PDE10A: variants seen among roughly 807,000 people sequenced by gnomAD.
PDE10A encodes phosphodiesterase 10A, also known as cAMP and cAMP-inhibited cGMP 3',5'-cyclic phosphodiesterase 10A.
PDE10A carries 39 observed loss-of-function variants against 97.7 expected under a neutral mutation model. That is an observed-to-expected ratio of 0.40 (90% CI 0.31 to 0.52). PDE10A has a LOEUF of 0.52. Among genes scored for constraint, PDE10A ranks in the 20% least tolerant of loss-of-function variants. The pLI is 0.56. For missense variants in PDE10A, 731 were observed against 1,047.8 expected (o/e 0.70, Z 4.17); for synonymous variants, 371 against 376.8 (o/e 0.98, Z 0.18).
intron 5 of PDE10A, among the ~76,000 whole-genome samples, chr6:165,442,486 G>A (rs1244185159): frequency 6.6e-6 from 1 of 152,148 alleles, no homozygotes; most frequent in Non-Finnish European, 1.5e-5. Flanking sequence ...AGGGAAACGG[G>A]AAGCAAGGAA....
In PDE10A at chr6:165,661,879, G is replaced by GC. The variant is rs942791917; in HGVS notation, c.865+67dup. The GC allele has an allele frequency of 9.6e-6, 7 of 725,730 alleles. No individual in the cohort carries two copies. Among genetic ancestry groups the GC allele is most frequent in the East Asian group, 9.3e-5 (3 of 32,128 alleles). 45.0% of individuals were successfully genotyped at this position (725,730 alleles called of 1,614,324 possible). On this transcript the variant is annotated intron_variant, in intron 1 of 21. Coordinates refer to ENST00000539869, the MANE Select transcript of PDE10A (RefSeq NM_001385079.1). The surrounding 1 kb of genome is among the most constrained non-coding windows in gnomAD (Gnocchi z 4.8). ...ACCCGCTTCCCACCCAGCAGTCCAA[G>GC]CCCCCCACCTGCCCCCAGGGGATGA...
chr6:165,474,663 A>G (rs964610254), intron 3 of PDE10A, among the ~76,000 whole-genome samples: 5 of 152,136 alleles, frequency 3.3e-5, no homozygotes, highest in African/African-American at 9.7e-5. Flanking sequence ...TCCTAAAATA[A>G]AAGTCAGAAA....
At chr6:165,877,163 G>T (rs1296182434) in intron 1 of PDE10A, among the ~76,000 whole-genome samples, 1 of 152,062 alleles carries the variant, frequency 6.6e-6, no homozygotes, top group African/African-American at 2.4e-5. Flanking sequence ...ACACGTGTGG[G>T]TCTCAAAACT....
intron 1 of PDE10A, among the ~76,000 whole-genome samples, chr6:165,887,335 G>A (rs1386982404): frequency 6.6e-6 from 1 of 152,132 alleles, no homozygotes; most frequent in Non-Finnish European, 1.5e-5. Context: ...AGATTCTTGG[G>A]TTCTCCTTCA....
intron 1 of PDE10A, among the ~76,000 whole-genome samples, chr6:165,803,445 C>T (rs1412829697): frequency 6.6e-6 from 1 of 152,202 alleles, no homozygotes; most frequent in Non-Finnish European, 1.5e-5. Context: ...AATGCATCCA[C>T]AACTAAATAC....
chr6:165,732,382 G>A (rs1453357229), intron 1 of PDE10A, among the ~76,000 whole-genome samples: 2 of 152,200 alleles, frequency 1.3e-5, no homozygotes, highest in African/African-American at 4.8e-5. Context: ...GCAGGTGGCC[G>A]AGCCACACAG....
At chr6:165,342,242 C>T (rs1011966420) in intron 19 of PDE10A, among the ~76,000 whole-genome samples, 1 of 152,166 alleles carries the variant, frequency 6.6e-6, no homozygotes, top group Non-Finnish European at 1.5e-5. Context: ...CCAAAAAAAT[C>T]TTTCAATATA....
At chr6:165,497,799 A>G (rs1361464295) in intron 2 of PDE10A, among the ~76,000 whole-genome samples, 2 of 152,208 alleles carry the variant, frequency 1.3e-5, no homozygotes, top group African/African-American at 4.8e-5. Flanking sequence ...ATCTGAATTT[A>G]TCTACTGATG....
At chr6:165,829,091 T>C (rs778856956) in intron 1 of PDE10A, among the ~76,000 whole-genome samples, 3 of 152,186 alleles carry the variant, frequency 2.0e-5, no homozygotes, top group Non-Finnish European at 2.9e-5. Context: ...AATGAGAAGA[T>C]GGAGGGTAAG....
intron 1 of PDE10A, among the ~76,000 whole-genome samples, chr6:165,873,527 G>A (rs144876149): frequency 4.6e-5 from 7 of 152,080 alleles, no homozygotes; most frequent in East Asian, 1.9e-4. Flanking sequence ...AACTTTCTCC[G>A]CAAGAGAGCA....
At chr6:165,441,036 A>G (rs1562469925) in intron 5 of PDE10A, among the ~76,000 whole-genome samples, 1 of 152,214 alleles carries the variant, frequency 6.6e-6, no homozygotes, top group Non-Finnish European at 1.5e-5. Flanking sequence ...ACATCTCAAG[A>G]GCACTTTGTC....
intron 1 of PDE10A, among the ~76,000 whole-genome samples, chr6:165,807,064 G>A (rs140719289): frequency 1.7e-4 from 26 of 152,278 alleles, no homozygotes; most frequent in East Asian, 9.6e-4. Flanking sequence ...TTGGACCAGC[G>A]TATGATTTTG....
chr6:165,570,241 A>C (rs1350041333), intron 1 of PDE10A, among the ~76,000 whole-genome samples: 1 of 152,208 alleles, frequency 6.6e-6, no homozygotes, highest in African/African-American at 2.4e-5. Flanking sequence ...GGCAGAATGA[A>C]TCTTTTAATA....
intron 1 of PDE10A, among the ~76,000 whole-genome samples, chr6:165,942,316 A>G (rs1210696977): frequency 6.6e-6 from 1 of 151,968 alleles, no homozygotes; most frequent in African/African-American, 2.4e-5. Flanking sequence ...ACACACATAT[A>G]TGCGCACACA....
chr6:165,547,366 G>A (rs1217324580), intron 1 of PDE10A, among the ~76,000 whole-genome samples: 1 of 152,006 alleles, frequency 6.6e-6, no homozygotes, highest in Non-Finnish European at 1.5e-5. Flanking sequence ...GAATGATCAG[G>A]GTAAGTTATG....
At chr6:165,615,387 G>T (rs1234374863) in intron 1 of PDE10A, among the ~76,000 whole-genome samples, 2 of 151,882 alleles carry the variant, frequency 1.3e-5, no homozygotes, top group Non-Finnish European at 2.9e-5. Flanking sequence ...ATTTTATTCA[G>T]ATACTCTCAA....
At position 165,943,269 on chromosome 6, in the gene PDE10A, AGG is replaced by A. The variant is rs1562809936; in HGVS notation, c.-615+44258_-615+44259del. Among the ~76,000 whole-genome samples, 205 of 118,128 alleles carry A rather than the reference AGG, an allele frequency of 1.7e-3. 1 individual carries two copies. Among genetic ancestry groups the A allele is most frequent in the Non-Finnish European group, 2.6e-3 (145 of 56,684 alleles). The allele number at this position is 118,128 out of a possible 152,430, so 77.5% of individuals were successfully genotyped here. On this transcript the variant is annotated intron_variant, in intron 1 of 19. Transcript: ENST00000366882. ...AAGGAAGGAAGGAAGGAAGGAAGGA[AGG>A]AAGGAAAGAAAGAAAGAAAGAAGGA...
chr6:165,862,140 A>C (rs1051502336), intron 1 of PDE10A, among the ~76,000 whole-genome samples: 2 of 152,240 alleles, frequency 1.3e-5, no homozygotes, highest in African/African-American at 4.8e-5. Flanking sequence ...AAAGAATCAG[A>C]GAATAACCAA....
chr6:165,823,136 A>AT (rs1056150108), intron 1 of PDE10A, among the ~76,000 whole-genome samples: 59 of 148,088 alleles, frequency 4.0e-4, no homozygotes, highest in East Asian at 7.9e-4. Flanking sequence ...CCGGCCTATA[A>AT]TTTTTTTTTT....
Sources: allele counts gnomAD v4.1 joint callset (sites outside exome capture counted in the v4.1 genomes callset), GRCh38; gene constraint gnomAD v4.1.1; non-coding constraint Gnocchi (gnomAD v3.1); transcripts MANE v1.5; gene names NCBI Gene and HGNC (gene_info 2026-07-23, HGNC 2026-07-21).